The following SLC2A14 variants were observed in gnomAD, a reference collection of about 807,000 sequenced individuals.
The protein encoded by SLC2A14 is solute carrier family 2, facilitated glucose transporter member 14.
SLC2A14 carries 13 observed loss-of-function variants against 43.0 expected under a neutral mutation model. The observed-to-expected ratio is 0.30, with a 90% confidence interval of 0.20 to 0.48. SLC2A14 has a LOEUF of 0.48. Among genes scored for constraint, SLC2A14 ranks in the 20% least tolerant of loss-of-function variants. The probability of loss-of-function intolerance (pLI) is 0.99; values close to 1 mark genes in which losing one functional copy is unlikely to be tolerated. For synonymous variants in SLC2A14, 190 were observed against 233.8 expected (o/e 0.81, Z 1.71); for missense variants, 428 against 620.4 (o/e 0.69, Z 3.29).
At chr12:7,850,103 T>C (rs754608494) in intron 2 of SLC2A14, among the ~76,000 whole-genome samples, 50 of 150,346 alleles carry the variant, frequency 3.3e-4, no homozygotes, top group African/African-American at 9.1e-4. Context: ...CTTCTTGAAG[T>C]TGGTATTTGG....
rs751380259 is a variant in SLC2A14, at chr12:7,844,439, A to G, written c.19-11625T>C. On this transcript the variant is annotated intron_variant, in intron 2 of 10. Transcript: ENST00000431042. ...GTTCGAGCTATTATAAACATTCCTG[A>G]TATTTGCTGAATGTATGAATTCTTT... is the stretch of plus-strand genomic sequence containing the variant. Among the ~76,000 whole-genome samples, 42 of 151,990 alleles carry G rather than the reference A, an allele frequency of 2.8e-4. 1 individual carries two copies. The highest frequency in any genetic ancestry group is 9.9e-4 in the African/African-American group (41 of 41,464).
intron 2 of SLC2A14, among the ~76,000 whole-genome samples, chr12:7,852,334 G>C (rs921360938): frequency 6.6e-6 from 1 of 152,042 alleles, no homozygotes; most frequent in Non-Finnish European, 1.5e-5. Flanking sequence ...ATTGAGAATG[G>C]TGACAGAAAA....
In SLC2A14 at chr12:7,827,674, G is replaced by A. The variant is rs747572869; in HGVS notation, c.685C>T (p.Arg229Trp). Residue 229 changes from arginine to tryptophan, a missense_variant, in exon 7 of 11, where the codon CGG becomes TGG. By Grantham distance (101) the Arg-to-Trp change is moderately radical. Around this residue, in one of 4 missense-constraint regions of SLC2A14, gnomAD observed 185 missense variants for 275.4 expected, o/e 0.67. Transcript: ENST00000431042. ...KEENATRILQRLWGTQDVSQD... is the reference protein window; with the variant it reads ...KEENATRILQWLWGTQDVSQD... ...GATACATCCTGGGTGCCCCACAACC[G>A]CTGGAGGACTGGTGAAAAGAAGAAA... The A allele has an allele frequency of 9.4e-6, 15 of 1,588,836 alleles. No homozygotes were observed. The highest frequency in any genetic ancestry group is 3.8e-5 in the Admixed American group (2 of 52,826).
chr12:7,870,112 C>T (rs1353490070), intron 1 of SLC2A14, among the ~76,000 whole-genome samples, 175 bp from the exon 2 acceptor site: 2 of 152,058 alleles, frequency 1.3e-5, no homozygotes, highest in African/African-American at 4.8e-5. Context: ...CTGGGATCCT[C>T]AACAAAGTTT....
At chr12:7,865,936 G>T (rs999081426) in intron 2 of SLC2A14, among the ~76,000 whole-genome samples, 2 of 152,130 alleles carry the variant, frequency 1.3e-5, no homozygotes, top group Non-Finnish European at 2.9e-5. Flanking sequence ...TGTGACAGGG[G>T]CCGGGCATGG....
upstream of SLC2A14, among the ~76,000 whole-genome samples, chr12:7,875,648 T>C (rs1945451483): frequency 6.6e-6 from 1 of 152,064 alleles, no homozygotes; most frequent in African/African-American, 2.4e-5. Context: ...ATAAGAGTGG[T>C]GTCTCATCAA....
At chr12:7,887,068 C>T (rs996436927) in intron 1 of SLC2A14, among the ~76,000 whole-genome samples, 1 of 151,654 alleles carries the variant, frequency 6.6e-6, no homozygotes, top group African/African-American at 2.4e-5. Context: ...CCCACCACCA[C>T]GCCCGGCTAA....
intron 10 of SLC2A14, among the ~76,000 whole-genome samples, chr12:7,817,531 G>A (rs755208768): frequency 6.6e-6 from 1 of 152,162 alleles, no homozygotes; most frequent in South Asian, 2.1e-4. Flanking sequence ...CACTTTGGGA[G>A]GCCAAGGCGG....
intron 2 of SLC2A14, among the ~76,000 whole-genome samples, chr12:7,844,174 G>A (rs1284202446): frequency 6.6e-6 from 1 of 152,116 alleles, no homozygotes; most frequent in Non-Finnish European, 1.5e-5. Context: ...TTCTCCAGAA[G>A]AAATTGCTAT....
intron 1 of SLC2A14, among the ~76,000 whole-genome samples, chr12:7,883,912 T>TTTTG (rs1555150796): frequency 7.1e-6 from 1 of 140,736 alleles, no homozygotes; most frequent in Non-Finnish European, 1.5e-5. Context: ...CTGAATTAAC[T>TTTTG]TTTCTTTCTT....
At chr12:7,827,095 C>CTT (rs1555122319) in intron 7 of SLC2A14, among the ~76,000 whole-genome samples, 692 of 53,558 alleles carry the variant, frequency 0.013, 9 homozygotes, top group African/African-American at 0.035. Flanking sequence ...TTCTTTCTTT[C>CTT]TCTTTCTTTC....
intron 1 of SLC2A14, among the ~76,000 whole-genome samples, chr12:7,884,820 G>C (rs147181747): frequency 1.3e-5 from 2 of 152,230 alleles, no homozygotes; most frequent in East Asian, 1.9e-4. Context: ...CTCTCCCTGC[G>C]GGCTAGACTT....
intron 7 of SLC2A14, among the ~76,000 whole-genome samples, chr12:7,826,905 C>CTT (rs1309202216): frequency 1.6e-5 from 1 of 63,928 alleles, no homozygotes; most frequent in Non-Finnish European, 2.9e-5. Context: ...TTCTTTCTTT[C>CTT]TTTCTTTCTT....
At chr12:7,883,263 C>CTTTTTTTT (rs372464881) in intron 1 of SLC2A14, among the ~76,000 whole-genome samples, 28 of 108,384 alleles carry the variant, frequency 2.6e-4, no homozygotes, top group African/African-American at 4.9e-4. Flanking sequence ...TTCTTTCTTT[C>CTTTTTTTT]TTTTTTTTTT....
In SLC2A14 at chr12:7,880,369, C is replaced by T. The variant is rs773437378; in HGVS notation, c.132+10627G>A. Among the ~76,000 whole-genome samples, 11 of 149,792 alleles carry T rather than the reference C, an allele frequency of 7.3e-5. No individual in the cohort carries two copies. In the East Asian group the frequency reaches 7.9e-4, roughly 11 times the overall value. On this transcript the variant is annotated intron_variant, in intron 1 of 9. Coordinates refer to the SLC2A14 transcript ENST00000539924. ...AACAACAAAAACACACACAAAAAAT[C>T]AAAGCTGAGGCAGGAGAATCGCTTG... is the stretch of plus-strand genomic sequence containing the variant.
At chr12:7,816,740 C>T (rs1207471138) in intron 10 of SLC2A14, among the ~76,000 whole-genome samples, 1 of 151,928 alleles carries the variant, frequency 6.6e-6, no homozygotes, top group Non-Finnish European at 1.5e-5. Flanking sequence ...TGGAGTCTAG[C>T]TCTGTCACCC....
chr12:7,842,762 C>A (rs1445160838), intron 2 of SLC2A14, among the ~76,000 whole-genome samples: 1 of 146,964 alleles, frequency 6.8e-6, no homozygotes, highest in African/African-American at 2.5e-5. Context: ...GAGTTTCGCT[C>A]TTGTTGCCCA....
intron 2 of SLC2A14, among the ~76,000 whole-genome samples, chr12:7,864,009 G>A (rs1944767784): frequency 6.6e-6 from 1 of 151,632 alleles, no homozygotes; most frequent in African/African-American, 2.4e-5. Context: ...GTAGAGCCAG[G>A]GTTTCACTGT....
At chr12:7,826,944 T>C (rs1033264509) in intron 7 of SLC2A14, among the ~76,000 whole-genome samples, 2 of 143,748 alleles carry the variant, frequency 1.4e-5, no homozygotes, top group African/African-American at 5.2e-5. Flanking sequence ...TCCTTTCCTT[T>C]CTTTCCTTTC....
Sources: gnomAD v4.1 joint callset for allele counts (sites outside exome capture counted in the v4.1 genomes callset) on GRCh38, gnomAD v4.1.1 for gene constraint, gnomAD v4.1.1 regional missense constraint, MANE v1.5 for transcripts, NCBI Gene and HGNC (gene_info 2026-07-23, HGNC 2026-07-21) for gene names.